The following PPP2R3A variants were observed in gnomAD, a reference collection of about 807,000 sequenced individuals.
PPP2R3A encodes the protein serine/threonine-protein phosphatase 2A regulatory subunit B'' subunit alpha.
PPP2R3A carries 80 observed loss-of-function variants against 106.9 expected under a neutral mutation model. The observed-to-expected ratio is 0.75, with a 90% CI of 0.62 to 0.90. The LOEUF (loss-of-function observed/expected upper bound fraction) is 0.90, where lower values mean the gene tolerates loss of function less well. Ranked by LOEUF, PPP2R3A falls within the 40% of genes least tolerant of loss-of-function variation. The pLI is 0.00. For missense variants in PPP2R3A, 1,386 were observed against 1,350.4 expected (o/e 1.03, Z -0.41); for synonymous variants, 483 against 468.3 (o/e 1.03, Z -0.41).
intron 1 of PPP2R3A, among the ~76,000 whole-genome samples, chr3:135,988,924 A>G (rs1342100724): frequency 6.6e-6 from 1 of 152,158 alleles, no homozygotes; most frequent in African/African-American, 2.4e-5. Flanking sequence ...TTATCTCACC[A>G]TTAGTGACGC....
chr3:135,974,037 C>T (rs536668295), intron 1 of PPP2R3A, among the ~76,000 whole-genome samples: 1 of 152,324 alleles, frequency 6.6e-6, no homozygotes, highest in East Asian at 1.9e-4. Context: ...AATCAGTTCT[C>T]AGTCTTCCTC....
At chr3:136,083,497 A>T (rs1304692948) in intron 8 of PPP2R3A, among the ~76,000 whole-genome samples, 3 of 152,190 alleles carry the variant, frequency 2.0e-5, no homozygotes, top group Non-Finnish European at 4.4e-5. Context: ...CTATGAGTCC[A>T]TTAAACTCTT....
intron 10 of PPP2R3A, among the ~76,000 whole-genome samples, chr3:136,096,331 T>C (rs1937215169): frequency 6.6e-6 from 1 of 152,198 alleles, no homozygotes; most frequent in Non-Finnish European, 1.5e-5. Flanking sequence ...AAAAAATGAA[T>C]TTCCTAAAAA....
In PPP2R3A at chr3:136,070,359, A is replaced by G. The variant is rs1936389249; in HGVS notation, c.2470-119A>G. 15 of 641,820 alleles carry G rather than the reference A, an allele frequency of 2.3e-5. No individual in the cohort carries two copies. The South Asian group carries it at 3.5e-4, about 15-fold the overall frequency. 39.8% of individuals were successfully genotyped at this position (641,820 alleles called of 1,614,324 possible). ...TAATAAAGAATTAAATTTTAAGTGC[A>G]TTATTCATTATTGTAAAATAGCAAG... is the stretch of plus-strand genomic sequence containing the variant. On this transcript the variant is annotated intron_variant, in intron 5 of 13. Coordinates refer to ENST00000264977, the MANE Select transcript of PPP2R3A (RefSeq NM_002718.5).
intron 5 of PPP2R3A, chr3:136,055,392 C>T (rs1935826797): frequency 1.0e-6 from 1 of 977,162 alleles, no homozygotes; most frequent in Non-Finnish European, 1.7e-6. Flanking sequence ...CTTCCTCTGA[C>T]CCTCTTATCC....
At chr3:136,143,564 T>C (rs1412442389) in intron 13 of PPP2R3A, among the ~76,000 whole-genome samples, 1 of 151,324 alleles carries the variant, frequency 6.6e-6, no homozygotes, top group Non-Finnish European at 1.5e-5. Context: ...CCGAGACAGG[T>C]GGATCACTTG....
At chr3:136,122,708 C>T (rs1938042633) in intron 13 of PPP2R3A, among the ~76,000 whole-genome samples, 1 of 152,150 alleles carries the variant, frequency 6.6e-6, no homozygotes, top group African/African-American at 2.4e-5. Context: ...TATTTTAATT[C>T]ATTGTGCTCA....
At chr3:136,047,161 G>A (rs1208921568) in intron 4 of PPP2R3A, among the ~76,000 whole-genome samples, 3 of 152,176 alleles carry the variant, frequency 2.0e-5, no homozygotes, top group Non-Finnish European at 4.4e-5. Flanking sequence ...CTTGGAAAAC[G>A]TATGAGGATA....
intron 13 of PPP2R3A, among the ~76,000 whole-genome samples, chr3:136,140,829 G>A (rs1305382740): frequency 5.3e-5 from 8 of 152,040 alleles, no homozygotes; most frequent in African/African-American, 1.9e-4. Flanking sequence ...ATAATTGCTT[G>A]AACCTGGGAG....
intron 11 of PPP2R3A, 22 bp downstream of exon 11, chr3:136,102,204 G>A (rs1175589484): frequency 3.1e-6 from 5 of 1,611,162 alleles, no homozygotes; most frequent in Non-Finnish European, 3.4e-6. Flanking sequence ...CAATGGGACA[G>A]ATGCACTGTT....
chr3:136,061,786 G>A (rs947031252), intron 5 of PPP2R3A, among the ~76,000 whole-genome samples: 2 of 152,058 alleles, frequency 1.3e-5, no homozygotes, highest in African/African-American at 4.8e-5. Flanking sequence ...CAGGCGTGGT[G>A]GCGGGTGCCT....
intron 13 of PPP2R3A, among the ~76,000 whole-genome samples, chr3:136,138,694 AATTTTTTTTT>A (rs1938722936): frequency 1.6e-5 from 1 of 60,996 alleles, no homozygotes; most frequent in African/African-American, 6.8e-5. Flanking sequence ...AGAAATATTG[AATTTTTTTTT>A]TTTTTTTTTT....
At chr3:135,988,591 C>G (rs1033627603) in intron 1 of PPP2R3A, among the ~76,000 whole-genome samples, 4 of 152,124 alleles carry the variant, frequency 2.6e-5, no homozygotes, top group Admixed American at 2.6e-4. Flanking sequence ...AGAGCAAAGT[C>G]TAGTCACACT....
intron 1 of PPP2R3A, among the ~76,000 whole-genome samples, chr3:135,988,853 G>T (rs1330388092): frequency 5.3e-5 from 8 of 152,078 alleles, no homozygotes; most frequent in Non-Finnish European, 1.5e-5. Context: ...TTTTTGGTGA[G>T]GAAATTCCAT....
chr3:135,967,127 A>G (rs747818953), intron 1 of PPP2R3A, among the ~76,000 whole-genome samples: 8 of 152,030 alleles, frequency 5.3e-5, no homozygotes, highest in Non-Finnish European at 8.8e-5. Context: ...TTGCATCCAA[A>G]TGGCCCTTTT....
chr3:135,967,690 T>G (rs1937125800), intron 1 of PPP2R3A, among the ~76,000 whole-genome samples: 1 of 152,110 alleles, frequency 6.6e-6, no homozygotes, highest in Admixed American at 6.5e-5. Context: ...CAGCTGAAGC[T>G]TCACCTCTGC....
At chr3:136,086,680 A>G (rs1280589267) in intron 8 of PPP2R3A, among the ~76,000 whole-genome samples, 4 of 152,048 alleles carry the variant, frequency 2.6e-5, no homozygotes, top group Admixed American at 2.6e-4. Context: ...AACCCCATAA[A>G]CCAATGTTCA....
chr3:136,087,659 A>G, intron 8 of PPP2R3A: 1 of 399,372 alleles, frequency 2.5e-6, no homozygotes. Context: ...CTAACTTAGC[A>G]TTCAACTATA....
chr3:136,025,964 AAT>A (rs1934638084), intron 2 of PPP2R3A, among the ~76,000 whole-genome samples: 1 of 152,150 alleles, frequency 6.6e-6, no homozygotes, highest in Non-Finnish European at 1.5e-5. Flanking sequence ...TTTCTACCTG[AAT>A]AATGGTGTAC....
Sources: gnomAD v4.1 joint callset for allele counts (sites outside exome capture counted in the v4.1 genomes callset) on GRCh38, gnomAD v4.1.1 for gene constraint, MANE v1.5 for transcripts, NCBI Gene and HGNC (gene_info 2026-07-23, HGNC 2026-07-21) for gene names.